ZNG1A: variants seen among roughly 807,000 people sequenced by gnomAD.
ZNG1A encodes Zn regulated GTPase metalloprotein activator 1A.
chr9:161,064 G>A, the ZNG1A span, among the ~76,000 whole-genome samples: 2 of 150,802 alleles, frequency 1.3e-5, no homozygotes, highest in African/African-American at 2.4e-5. Flanking sequence ...CTCTATCAAC[G>A]AGGGAGAGAA....
At chr9:126,551 T>C in the ZNG1A span, among the ~76,000 whole-genome samples, 97 of 152,270 alleles carry the variant, frequency 6.4e-4, no homozygotes, top group African/African-American at 2.3e-3. Context: ...TCAGTTGTAA[T>C]ATCTCCCGTT....
At chr9:138,541 GAA>G in the ZNG1A span, among the ~76,000 whole-genome samples, 1 of 140,112 alleles carries the variant, frequency 7.1e-6, no homozygotes, top group African/African-American at 2.7e-5. Context: ...ACTGAAGGTG[GAA>G]AAAAAAAAAC....
chr9:135,247 A>G, the ZNG1A span, among the ~76,000 whole-genome samples: 1 of 150,980 alleles, frequency 6.6e-6, no homozygotes, highest in Non-Finnish European at 1.5e-5. Context: ...ACATTCATAT[A>G]TATACATATG....
chr9:169,399 T>C, the ZNG1A span, among the ~76,000 whole-genome samples: 9 of 147,156 alleles, frequency 6.1e-5, no homozygotes, highest in Middle Eastern at 3.4e-3. Context: ...ACGTGGTTTC[T>C]TGAGATGGAA....
At chr9:148,767 A>C in the ZNG1A span, 1 of 148,864 alleles carries the variant, frequency 6.7e-6, no homozygotes, top group Non-Finnish European at 1.5e-5. Context: ...CCCTATGTCT[A>C]AAGGCTGCTT....
the ZNG1A span, among the ~76,000 whole-genome samples, chr9:138,407 T>A: frequency 8.2e-6 from 1 of 122,420 alleles, no homozygotes; most frequent in African/African-American, 3.3e-5. Context: ...TTTTTTTTTT[T>A]ACAAACTACA....
the ZNG1A span, among the ~76,000 whole-genome samples, chr9:123,975 C>G: frequency 2.6e-5 from 4 of 152,046 alleles, no homozygotes; most frequent in Non-Finnish European, 4.4e-5. Context: ...TAAATCTGTT[C>G]TCTTAAAAAA....
chr9:162,449 A>C, the ZNG1A span: 1 of 1,503,418 alleles, frequency 6.7e-7, no homozygotes, highest in South Asian at 1.2e-5. Flanking sequence ...CCATATTTTG[A>C]ATCCACAATA....
At chr9:138,339 C>T in the ZNG1A span, among the ~76,000 whole-genome samples, 1 of 146,374 alleles carries the variant, frequency 6.8e-6, no homozygotes, top group Non-Finnish European at 1.5e-5. Context: ...ACTGCCCTGC[C>T]TGTCCCACAC....
At chr9:167,117 T>G in the ZNG1A span, 3 of 151,964 alleles carry the variant, frequency 2.0e-5, no homozygotes, top group South Asian at 6.2e-4. Context: ...AAAATTGCCT[T>G]CAAGGAGGTA....
the ZNG1A span, among the ~76,000 whole-genome samples, chr9:174,120 C>A: frequency 1.7e-4 from 25 of 148,956 alleles, no homozygotes; most frequent in African/African-American, 6.2e-4. Context: ...GCACTCCAGC[C>A]TGGGCAACAC....
the ZNG1A span, among the ~76,000 whole-genome samples, chr9:157,175 T>A: frequency 7.3e-6 from 1 of 136,262 alleles, no homozygotes; most frequent in East Asian, 2.1e-4. Context: ...TCAGTGCAAC[T>A]GTTTATTTTA....
the ZNG1A span, chr9:148,003 G>T: frequency 6.6e-6 from 1 of 150,730 alleles, no homozygotes; most frequent in Non-Finnish European, 1.5e-5. Context: ...CCAACTTGGG[G>T]GACAGAGTGA....
At chr9:127,235 T>C in the ZNG1A span, among the ~76,000 whole-genome samples, 28 of 152,236 alleles carry the variant, frequency 1.8e-4, no homozygotes, top group African/African-American at 6.7e-4. Flanking sequence ...GTTTCTTTGT[T>C]GACTTTCTGT....
chr9:166,947 G>A, the ZNG1A span: 2 of 152,030 alleles, frequency 1.3e-5, no homozygotes, highest in Non-Finnish European at 2.9e-5. Context: ...CCAAAAAAAA[G>A]TATTCATGGT....
chr9:145,716 T>A, the ZNG1A span, among the ~76,000 whole-genome samples: 74,001 of 149,848 alleles, frequency 0.49, 18,462 homozygotes, highest in South Asian at 0.6. Context: ...AAATAAATTT[T>A]AAAAAAAACT....
chr9:163,461 A>T, the ZNG1A span, among the ~76,000 whole-genome samples: 1 of 152,192 alleles, frequency 6.6e-6, no homozygotes, highest in Non-Finnish European at 1.5e-5. Context: ...ACTAAATTGG[A>T]AGTTGAGTGA....
the ZNG1A span, among the ~76,000 whole-genome samples, chr9:178,390 C>A: frequency 6.6e-6 from 1 of 151,048 alleles, no homozygotes; most frequent in South Asian, 2.1e-4. Flanking sequence ...GAAAGCCCCA[C>A]GTGTCGGGCA....
the ZNG1A span, among the ~76,000 whole-genome samples, chr9:169,763 T>A: frequency 6.6e-6 from 1 of 150,936 alleles, no homozygotes; most frequent in South Asian, 2.1e-4. Context: ...TGTTAGCATT[T>A]TTTAGCAATA....
Sources: gnomAD v4.1 joint callset for allele counts (sites outside exome capture counted in the v4.1 genomes callset) on GRCh38, gnomAD v4.1.1 for gene constraint, MANE v1.5 for transcripts, NCBI Gene and HGNC (gene_info 2026-07-23, HGNC 2026-07-21) for gene names.